Variants in DSTYK observed in about 807,000 individuals in gnomAD.
The protein encoded by DSTYK is RIP-homologous kinase.
A neutral mutation model predicts 98.7 loss-of-function variants in DSTYK; 34 were observed. The observed-to-expected ratio is 0.34, with a 90% CI of 0.26 to 0.46. The LOEUF (loss-of-function observed/expected upper bound fraction) is 0.46, where lower values mean the gene tolerates loss of function less well. DSTYK is among the 20% of genes least tolerant of loss of function. The pLI, the probability that DSTYK is intolerant of heterozygous loss-of-function variation, is 1.00. For synonymous variants in DSTYK, 462 were observed against 457.3 expected (o/e 1.01, Z -0.13); for missense variants, 962 against 1,181.7 (o/e 0.81, Z 2.73).
Position 205,150,489 on chromosome 1 carries a change from C to CTT in DSTYK, c.2467+189_2467+190dup, listed in dbSNP as rs1208489908. Among the ~76,000 whole-genome samples the CTT allele has an allele frequency of 6.6e-6, 1 of 152,108 alleles. No individual in the cohort carries two copies. Among genetic ancestry groups the CTT allele is most frequent in the Non-Finnish European group, 1.5e-5 (1 of 68,024 alleles). ...GTCCAAATGGTGATTCCCATTTGTA[C>CTT]TTTTTCTTTCTTACTCCTTTACCTC... On this transcript the variant is annotated intron_variant, in intron 11 of 12. Coordinates refer to ENST00000367162, the MANE Select transcript of DSTYK (RefSeq NM_015375.3). The surrounding 1 kb of genome is among the most constrained non-coding windows in gnomAD (Gnocchi z 4.1).
intron 1 of DSTYK, among the ~76,000 whole-genome samples, chr1:205,200,000 T>A (rs115638496): frequency 6.6e-6 from 1 of 152,260 alleles, no homozygotes; most frequent in African/African-American, 2.4e-5. Flanking sequence ...AGGCTGATTT[T>A]CCTCTACTGT....
At chr1:205,202,798 G>T (rs1366936299) in intron 1 of DSTYK, 10 of 573,830 alleles carry the variant, frequency 1.7e-5, no homozygotes, top group Non-Finnish European at 3.1e-5. Flanking sequence ...GGAAAGAAAA[G>T]AAAGTAAATA....
chr1:205,197,586 T>G (rs1658903662), intron 1 of DSTYK, among the ~76,000 whole-genome samples: 1 of 152,006 alleles, frequency 6.6e-6, no homozygotes, highest in Admixed American at 6.5e-5. Context: ...AGAGATAGGA[T>G]TTTACTTGAC....
Position 205,160,252 on chromosome 1 carries a change from T to C in DSTYK, c.1967A>G (p.Gln656Arg). ...ACCATACTGGCCCCGGCCCAGTTCC[T>C]GTCCCAGTTTAGGTTTACCTATAAG... ...VLLHRKPKLG[Q>R]ELGRGQYGVV... The change falls in exon 8 of 13, where the codon CAG becomes CGG. Residue 656 changes from glutamine (Q) to arginine (R), a missense_variant. Gln to Arg is a conservative substitution (Grantham distance 43). This residue lies in a region of DSTYK where 660 missense variants were observed against 855.0 expected (regional missense o/e 0.77). Coordinates refer to ENST00000367162, the MANE Select transcript of DSTYK (RefSeq NM_015375.3). The C allele has an allele frequency of 6.2e-7, 1 of 1,614,066 alleles. No individual in the cohort carries two copies.
chr1:205,201,555 C>A (rs1659042043), intron 1 of DSTYK, among the ~76,000 whole-genome samples: 1 of 152,032 alleles, frequency 6.6e-6, no homozygotes, highest in Admixed American at 6.6e-5. Context: ...AAACGCCCTT[C>A]CAAGGAAGGA....
intron 1 of DSTYK, chr1:205,202,648 G>C: frequency 8.3e-7 from 1 of 1,200,624 alleles, no homozygotes; most frequent in Non-Finnish European, 1.2e-6. Context: ...TACTGAAAAG[G>C]AACAGATTGT....
intron 9 of DSTYK, among the ~76,000 whole-genome samples, chr1:205,157,761 CA>C (rs11404936): frequency 9.0e-4 from 97 of 107,972 alleles, no homozygotes; most frequent in African/African-American, 2.0e-3. Context: ...GACTCTGTCT[CA>C]AAAAAAAAAA....
At chr1:205,181,656 T>TGTGTG (rs1558616449) in intron 2 of DSTYK, among the ~76,000 whole-genome samples, 8,584 of 142,376 alleles carry the variant, frequency 0.06, 387 homozygotes, top group Non-Finnish European at 0.08. Context: ...ATGTTGGGGT[T>TGTGTG]TGTGTGTGTG....
At position 205,146,149 on chromosome 1, in the gene DSTYK, G is replaced by A. The variant is rs1657226586; in HGVS notation, c.*1409C>T. On this transcript the variant is annotated 3_prime_UTR_variant, in exon 13 of 13. Coordinates refer to ENST00000367162, the MANE Select transcript of DSTYK (RefSeq NM_015375.3). ...GGTAAAAAGAAGGAACAAATTGCGG[G>A]AGAAATCGTGGTTAAAAGCTCATTG... The A allele has an allele frequency of 6.6e-6, 1 of 152,138 alleles. No individual in the cohort carries two copies. The highest frequency in any genetic ancestry group is 2.4e-5 in the African/African-American group (1 of 41,442). The allele number at this position is 152,138 out of a possible 1,614,324, so 9.4% of individuals were successfully genotyped here.
Position 205,199,311 on chromosome 1 carries a change from A to G in DSTYK, c.266-11505T>C, listed in dbSNP as rs1450204718. Among the ~76,000 whole-genome samples the G allele has an allele frequency of 2.0e-5, 3 of 152,182 alleles. No individual in the cohort carries two copies. In the South Asian group the frequency reaches 6.2e-4, roughly 31 times the overall value. ...TCACACTGCCTAGAGAAGAAAATAG[A>G]AAAACACACTGCCTGTGATGGGCAC... On this transcript the variant is annotated intron_variant, in intron 1 of 12. Transcript: ENST00000367162.
chr1:205,150,629 G>T lies in DSTYK; in HGVS notation c.2467+51C>A. The T allele has an allele frequency of 7.0e-7, 1 of 1,429,744 alleles. No homozygotes were observed. Among genetic ancestry groups the T allele is most frequent in the Non-Finnish European group, 9.8e-7 (1 of 1,018,408 alleles). The allele number at this position is 1,429,744 out of a possible 1,614,324, so 88.6% of individuals were successfully genotyped here. On this transcript the variant is annotated intron_variant, in intron 11 of 12. Coordinates refer to ENST00000367162, the MANE Select transcript of DSTYK (RefSeq NM_015375.3). The surrounding 1 kb of genome is among the most constrained non-coding windows in gnomAD (Gnocchi z 4.1). ...AACGAGCTCAAGGGGTAGCACTCAG[G>T]ATTAAAGTAGTACGCCCTGCCCAGA...
chr1:205,204,669 A>T (rs1659149269), intron 1 of DSTYK, among the ~76,000 whole-genome samples: 1 of 152,178 alleles, frequency 6.6e-6, no homozygotes, highest in Non-Finnish European at 1.5e-5. Context: ...AAGTTGTACA[A>T]GTATCATCAC....
At chr1:205,198,021 C>G (rs926554587) in intron 1 of DSTYK, among the ~76,000 whole-genome samples, 1 of 152,110 alleles carries the variant, frequency 6.6e-6, no homozygotes, top group South Asian at 2.1e-4. Flanking sequence ...TGGAGAAACC[C>G]CGTCTCTATT....
chr1:205,156,098 G>A (rs890970932), intron 10 of DSTYK, among the ~76,000 whole-genome samples: 1 of 152,262 alleles, frequency 6.6e-6, no homozygotes, highest in Non-Finnish European at 1.5e-5. Flanking sequence ...TTCAGAGGAT[G>A]TATGGAAATG....
At chr1:205,194,345 A>G (rs1332281951) in intron 1 of DSTYK, among the ~76,000 whole-genome samples, 1 of 152,182 alleles carries the variant, frequency 6.6e-6, no homozygotes, top group Non-Finnish European at 1.5e-5. Flanking sequence ...GAAGGCTCTT[A>G]AGGTACAGTC....
intron 1 of DSTYK, among the ~76,000 whole-genome samples, chr1:205,194,317 T>C (rs749654725): frequency 3.6e-4 from 55 of 152,146 alleles, no homozygotes; most frequent in Non-Finnish European, 6.2e-4. Flanking sequence ...CAATAATACA[T>C]ACTCGTGAAA....
chr1:205,206,685 C>A (rs1040326441), intron 1 of DSTYK, among the ~76,000 whole-genome samples: 1 of 151,064 alleles, frequency 6.6e-6, no homozygotes, highest in Non-Finnish European at 1.5e-5. Flanking sequence ...CAGATTCAAG[C>A]GATTCTCCTG....
At chr1:205,183,291 T>C (rs1189291275) in intron 2 of DSTYK, among the ~76,000 whole-genome samples, 1 of 152,136 alleles carries the variant, frequency 6.6e-6, no homozygotes, top group Non-Finnish European at 1.5e-5. Flanking sequence ...GTGCTGCCAA[T>C]TGGAAAGTGA....
At chr1:205,176,369 G>A (rs531532731) in intron 2 of DSTYK, among the ~76,000 whole-genome samples, 18 of 150,696 alleles carry the variant, frequency 1.2e-4, no homozygotes, top group African/African-American at 3.9e-4. Flanking sequence ...CCAGCTACTC[G>A]GGAGGCTGAG....
Sources: allele counts gnomAD v4.1 joint callset (sites outside exome capture counted in the v4.1 genomes callset), GRCh38; gene constraint gnomAD v4.1.1; regional missense constraint gnomAD v4.1.1; non-coding constraint Gnocchi (gnomAD v3.1); transcripts MANE v1.5; gene names NCBI Gene and HGNC (gene_info 2026-07-23, HGNC 2026-07-21).